The following ALG9 variants were observed in gnomAD, a reference collection of about 807,000 sequenced individuals.
ALG9 encodes the protein ALG9 alpha-1,2-mannosyltransferase.
ALG9 carries 55 observed loss-of-function variants against 81.8 expected under a neutral mutation model. The observed-to-expected ratio is 0.67, with a 90% CI of 0.54 to 0.84. The LOEUF is 0.84. Ranked by LOEUF, ALG9 falls within the 40% of genes least tolerant of loss-of-function variation. The probability of loss-of-function intolerance (pLI) is 0.00; values close to 1 mark genes in which losing one functional copy is unlikely to be tolerated. For synonymous variants in ALG9, 278 were observed against 274.3 expected, an observed-to-expected ratio of 1.01 and a Z score of -0.13; for missense variants, 629 against 745.0, an observed-to-expected ratio of 0.84 and a Z score of 1.81.
chr11:111,862,030 T>C (rs917539296), intron 4 of ALG9, among the ~76,000 whole-genome samples: 13 of 152,160 alleles, frequency 8.5e-5, no homozygotes, highest in African/African-American at 3.1e-4. Context: ...CTTACACAGT[T>C]TCACTACACT....
At chr11:111,786,624 AT>A in intron 14 of ALG9, 104 bp from the exon 15 acceptor site, 1 of 1,303,656 alleles carries the variant, frequency 7.7e-7, no homozygotes, top group Non-Finnish European at 1.1e-6. Flanking sequence ...TAAGGATTAT[AT>A]TTTATTCAAG....
chr11:111,805,843 G>T (rs967361513), intron 14 of ALG9, among the ~76,000 whole-genome samples: 5 of 151,992 alleles, frequency 3.3e-5, no homozygotes, highest in Admixed American at 6.6e-5. Flanking sequence ...TTGCTTTTTT[G>T]TTGTTGTTGT....
chr11:111,806,165 A>G (rs1475577081), intron 14 of ALG9, among the ~76,000 whole-genome samples: 1 of 152,060 alleles, frequency 6.6e-6, no homozygotes, highest in Non-Finnish European at 1.5e-5. Flanking sequence ...TGGCCACACT[A>G]AAAATTTTTT....
At chr11:111,788,500 TTGAGAGGCTGAGG>T (rs1555067287) in intron 14 of ALG9, 2 of 453,038 alleles carry the variant, frequency 4.4e-6, no homozygotes, top group Admixed American at 4.7e-5. Context: ...TCCCAATATT[TTGAGAGGCTGAGG>T]TGGGAGGATT....
At chr11:111,799,884 C>A (rs1257027892) in intron 14 of ALG9, among the ~76,000 whole-genome samples, 1 of 152,168 alleles carries the variant, frequency 6.6e-6, no homozygotes, top group Non-Finnish European at 1.5e-5. Flanking sequence ...CATTTTATAT[C>A]TTTCCACTTT....
At chr11:111,799,054 G>A (rs1348116659) in intron 14 of ALG9, among the ~76,000 whole-genome samples, 1 of 152,150 alleles carries the variant, frequency 6.6e-6, no homozygotes, top group Non-Finnish European at 1.5e-5. Flanking sequence ...ACAGACATGT[G>A]GAATTCCTAA....
chr11:111,865,751 T>C (rs555825498), intron 3 of ALG9, among the ~76,000 whole-genome samples: 1 of 152,296 alleles, frequency 6.6e-6, no homozygotes, highest in South Asian at 2.1e-4. Flanking sequence ...ATGGACACTA[T>C]ATGCATGTGG....
chr11:111,810,176 G>A (rs1591960218), intron 13 of ALG9, among the ~76,000 whole-genome samples: 1 of 152,094 alleles, frequency 6.6e-6, no homozygotes, highest in Non-Finnish European at 1.5e-5. Flanking sequence ...GTGTGAGAAG[G>A]CCTGCCTCTC....
At position 111,817,865 on chromosome 11, in the gene ALG9, C is replaced by T. The variant is rs539716686; in HGVS notation, c.1603-8092G>A. Among the ~76,000 whole-genome samples the T allele has an allele frequency of 9.7e-4, 148 of 151,842 alleles. 1 individual carries two copies. The highest frequency in any genetic ancestry group is 3.5e-3 in the African/African-American group (144 of 41,374). Reference sequence around the variant, plus strand: ...GGTCTCGGCTCACTGCAACCTCCACCTCGCAGGTTCAAGCGATTCTCCCCT... The same window carrying T: ...GGTCTCGGCTCACTGCAACCTCCACTTCGCAGGTTCAAGCGATTCTCCCCT... On this transcript the variant is annotated intron_variant, in intron 13 of 14. Coordinates refer to ENST00000616540, the MANE Select transcript of ALG9 (RefSeq NM_024740.2).
intron 8 of ALG9, among the ~76,000 whole-genome samples, chr11:111,848,493 G>C (rs1021636240): frequency 1.6e-4 from 25 of 151,738 alleles, no homozygotes; most frequent in Admixed American, 3.9e-4. Context: ...AGGAGGCTGA[G>C]GCAAGAGAAT....
chr11:111,867,179 C>A (rs967267457), intron 3 of ALG9, among the ~76,000 whole-genome samples: 30 of 152,358 alleles, frequency 2.0e-4, no homozygotes, highest in African/African-American at 6.7e-4. Context: ...TTGTCACTTT[C>A]TGCAGGTGCC....
Position 111,786,568 on chromosome 11 carries a change from T to C in ALG9, c.1734-48A>G, listed in dbSNP as rs201748177. 7.1e-4 allele frequency: 1,116 copies of C among 1,577,352 alleles called. 4 individuals are homozygous for C. The African/African-American group carries it at 0.011, about 15-fold the overall frequency. On this transcript the variant is annotated intron_variant, in intron 14 of 14. Transcript: ENST00000616540. ...AAGAATTTTATCACTTGGGAGAATT[T>C]ACTAATGGTACTAAATGTGATTAAA...
chr11:111,793,577 T>A (rs576818687), intron 14 of ALG9, among the ~76,000 whole-genome samples: 12 of 151,820 alleles, frequency 7.9e-5, no homozygotes, highest in Non-Finnish European at 1.3e-4. Context: ...CTGGCTAACA[T>A]GGTGAAACCC....
Position 111,826,066 on chromosome 11 carries a change from CAATAATAAT to C in ALG9, c.1602+10090_1602+10098del, listed in dbSNP as rs4026118. 6.0e-5 allele frequency among the ~76,000 whole-genome samples: 8 copies of C among 132,676 alleles called. 1 individual carries two copies. In the East Asian group the frequency reaches 6.6e-4, roughly 11 times the overall value. The allele number at this position is 132,676 out of a possible 152,430, so 87.0% of individuals were successfully genotyped here. A position where few individuals can be genotyped will look rare whatever the true frequency, so the allele number is the denominator to read the frequency against. On this transcript the variant is annotated intron_variant, in intron 13 of 14. Coordinates refer to ENST00000616540, the MANE Select transcript of ALG9 (RefSeq NM_024740.2). ...GGGCAACAAGAGCAAAACTCCGTCT[CAATAATAAT>C]AATAATAATAATAATAATAATAATA...
intron 1 of ALG9, chr11:111,870,951 C>T (rs1200001803): frequency 2.0e-6 from 2 of 1,012,350 alleles, no homozygotes; most frequent in Admixed American, 1.2e-4. Flanking sequence ...CTGCAGCCTC[C>T]AGGGTTTGGG....
chr11:111,773,850 G>C, the ALG9 span, among the ~76,000 whole-genome samples: 3 of 150,524 alleles, frequency 2.0e-5, no homozygotes, highest in African/African-American at 7.3e-5. Flanking sequence ...GATCTCCTGG[G>C]CTCAGGTGAT....
intron 13 of ALG9, among the ~76,000 whole-genome samples, chr11:111,826,404 C>A (rs1197650067): frequency 7.7e-5 from 11 of 143,586 alleles, no homozygotes; most frequent in Middle Eastern, 7.2e-3. Context: ...AAAAAAAAAA[C>A]AAAAAAAAAC....
At position 111,809,517 on chromosome 11, in the gene ALG9, T is replaced by TACACAC. The variant is rs4026119; in HGVS notation, c.1733+120_1733+125dup. The TACACAC allele has an allele frequency of 9.4e-3, 8,865 of 938,272 alleles. 40 individuals are homozygous for TACACAC. The highest frequency in any genetic ancestry group is 0.035 in the East Asian group (1,234 of 35,758). 58.1% of individuals were successfully genotyped at this position (938,272 alleles called of 1,614,324 possible). On this transcript the variant is annotated intron_variant, in intron 14 of 14. Coordinates refer to ENST00000616540, the MANE Select transcript of ALG9 (RefSeq NM_024740.2). Reference sequence around the variant, plus strand: ...CCTGGGCAACAGAGTGAGACTCCATTACACACACACACACACACACACGAT... The same window carrying TACACAC: ...CCTGGGCAACAGAGTGAGACTCCATTACACACACACACACACACACACACACACGAT...
At chr11:111,843,544 A>G (rs776697579) in intron 9 of ALG9, among the ~76,000 whole-genome samples, 5 of 152,208 alleles carry the variant, frequency 3.3e-5, no homozygotes, top group Non-Finnish European at 5.9e-5. Flanking sequence ...ATTATAAACC[A>G]TTAATAGTAG....
Sources: allele counts gnomAD v4.1 joint callset (sites outside exome capture counted in the v4.1 genomes callset), GRCh38; gene constraint gnomAD v4.1.1; transcripts MANE v1.5; gene names NCBI Gene and HGNC (gene_info 2026-07-23, HGNC 2026-07-21).